Variants in NCEH1 observed in about 807,000 individuals in gnomAD.
NCEH1 encodes neutral cholesterol ester hydrolase 1.
In NCEH1, 9 loss-of-function variants were observed where a neutral mutation model predicts 25.4. The ratio of observed to expected loss-of-function variants is 0.35; its 90% CI spans 0.21 to 0.62. The LOEUF (loss-of-function observed/expected upper bound fraction) is 0.62. Ranked by LOEUF, NCEH1 falls within the 20% of genes least tolerant of loss-of-function variation. NCEH1 has a pLI of 0.72. For synonymous variants in NCEH1, 200 were observed against 199.8 expected (o/e 1.00, Z -0.01); for missense variants, 412 against 501.1 (o/e 0.82, Z 1.70).
intron 1 of NCEH1, among the ~76,000 whole-genome samples, chr3:172,691,205 C>A (rs1386923258): frequency 1.3e-5 from 2 of 152,162 alleles, no homozygotes; most frequent in Non-Finnish European, 2.9e-5. Flanking sequence ...CCCTCATGAC[C>A]AAACCCCAGT....
At chr3:172,689,494 G>A (rs1396674875) in intron 1 of NCEH1, among the ~76,000 whole-genome samples, 6 of 151,378 alleles carry the variant, frequency 4.0e-5, no homozygotes, top group Non-Finnish European at 8.8e-5. Flanking sequence ...TGATCTACCC[G>A]ACTCGGCCTC....
chr3:172,679,938 C>G (rs1162095226), intron 1 of NCEH1, among the ~76,000 whole-genome samples: 1 of 152,104 alleles, frequency 6.6e-6, no homozygotes, highest in African/African-American at 2.4e-5. Context: ...CTGGTCAAAC[C>G]AATCTCCTGG....
At chr3:172,672,380 A>G (rs1354120374) in intron 1 of NCEH1, among the ~76,000 whole-genome samples, 1 of 152,172 alleles carries the variant, frequency 6.6e-6, no homozygotes, top group African/African-American at 2.4e-5. Context: ...GCCCTTTTTA[A>G]TACGCGTTTT....
rs1317913714 is a variant in NCEH1 at position 172,632,053 on chromosome 3, GCAA to G, written c.*1419_*1421del. The G allele has an allele frequency of 6.6e-6, 1 of 152,578 alleles. No homozygotes were observed. Among genetic ancestry groups the G allele is most frequent in the Non-Finnish European group, 1.5e-5 (1 of 68,020 alleles). 9.5% of individuals were successfully genotyped at this position (152,578 alleles called of 1,614,324 possible). ...TGGAAGGAGGAGATGGGGGATCTAG[GCAA>G]CACCAGGTGCCAGTGTACGCCCTTC... On this transcript the variant is annotated 3_prime_UTR_variant, in exon 5 of 5. Transcript: ENST00000475381.
intron 1 of NCEH1, among the ~76,000 whole-genome samples, chr3:172,660,488 C>T (rs1328573551): frequency 6.6e-5 from 10 of 152,222 alleles, no homozygotes; most frequent in East Asian, 1.9e-4. Context: ...TGGGTATATA[C>T]GCAGTAATGG....
intron 1 of NCEH1, among the ~76,000 whole-genome samples, chr3:172,697,970 A>ATTTTTTTTTTT (rs386398562): frequency 2.0e-5 from 2 of 101,094 alleles, no homozygotes; most frequent in East Asian, 2.7e-4. Flanking sequence ...TAAAAGCAGA[A>ATTTTTTTTTTT]TTTTTTTTTT....
Position 172,645,604 on chromosome 3 carries a change from A to C in NCEH1, c.437+19T>G, listed in dbSNP as rs775426832. The C allele has an allele frequency of 2.3e-5, 35 of 1,522,452 alleles. No homozygotes were observed. The highest frequency in any genetic ancestry group is 2.8e-5 in the Non-Finnish European group (31 of 1,105,752). The allele number at this position is 1,522,452 out of a possible 1,614,324, so 94.3% of individuals were successfully genotyped here. ...TCCTTTATAAGAAAAATTTTCTATG[A>C]CTAGCATTAATTACTTACTCAATGG... is the stretch of plus-strand genomic sequence containing the variant. On this transcript the variant is annotated intron_variant, in intron 3 of 4. Coordinates refer to ENST00000475381, the MANE Select transcript of NCEH1 (RefSeq NM_020792.6).
intron 1 of NCEH1, among the ~76,000 whole-genome samples, chr3:172,697,970 ATTTTTTTTTT>A (rs386398562): frequency 2.0e-5 from 2 of 101,094 alleles, no homozygotes; most frequent in Non-Finnish European, 3.8e-5. Context: ...TAAAAGCAGA[ATTTTTTTTTT>A]TTTTTTTTTT....
Position 172,632,139 on chromosome 3 carries a change from G to A in NCEH1, c.*1336C>T, listed in dbSNP as rs1577046570. 1 of 152,474 alleles carries A rather than the reference G, an allele frequency of 6.6e-6. No individual in the cohort carries two copies. The highest frequency in any genetic ancestry group is 6.5e-5 in the Admixed American group (1 of 15,296). The allele number at this position is 152,474 out of a possible 1,614,324, so 9.4% of individuals were successfully genotyped here. ...TAAAAAGCGGAGATGAGCAGTGTGT[G>A]CCTTGCCTAAGCTACTGAACTATAA... On this transcript the variant is annotated 3_prime_UTR_variant, in exon 5 of 5. Transcript: ENST00000475381.
chr3:172,708,808 C>A (rs1433183490), intron 1 of NCEH1, among the ~76,000 whole-genome samples: 1 of 152,200 alleles, frequency 6.6e-6, no homozygotes, highest in Non-Finnish European at 1.5e-5. Flanking sequence ...AGAAGACTCA[C>A]TACAAGTACC....
rs368813753 is a variant in NCEH1, at chr3:172,645,685, C to A, written c.375G>T (p.Arg125Ser). The change falls in exon 3 of 5, where the codon AGG becomes AGT. Residue 125 changes from arginine to serine, a missense_variant. Physicochemically the swap from Arg to Ser is moderately radical, Grantham distance 110. This residue lies in a region of NCEH1 where 178 missense variants were observed against 189.2 expected (regional missense o/e 0.94). Coordinates refer to ENST00000475381, the MANE Select transcript of NCEH1 (RefSeq NM_020792.6). ...TTGCTGTACACAGCTCATCATAATA[C>A]CTGATTTCTAAAAGACACAAAGGGA... ...GGWALASAKI[R>S]YYDELCTAMA... 5 of 1,586,212 alleles carry A rather than the reference C, an allele frequency of 3.2e-6. No homozygotes were observed. In the Admixed American group the frequency reaches 7.1e-5, roughly 23 times the overall value.
At chr3:172,678,221 A>G (rs1712126489) in intron 1 of NCEH1, among the ~76,000 whole-genome samples, 1 of 152,172 alleles carries the variant, frequency 6.6e-6, no homozygotes, top group Non-Finnish European at 1.5e-5. Context: ...GCCTACATAA[A>G]CAGTGTCTGA....
intron 1 of NCEH1, 34 bp from the exon 2 acceptor site, chr3:172,648,148 C>T (rs757790892): frequency 9.3e-6 from 15 of 1,611,706 alleles, no homozygotes; most frequent in South Asian, 3.3e-5. Context: ...AGAGGGAGGG[C>T]GCACGTCAAC....
chr3:172,651,025 CTGT>C (rs1210039561), intron 1 of NCEH1, among the ~76,000 whole-genome samples: 2 of 151,966 alleles, frequency 1.3e-5, no homozygotes, highest in Admixed American at 6.6e-5. Context: ...GAACAGTAAC[CTGT>C]TGTTAATTAC....
At chr3:172,686,333 T>C (rs1048820474) in intron 1 of NCEH1, among the ~76,000 whole-genome samples, 2 of 152,232 alleles carry the variant, frequency 1.3e-5, no homozygotes, top group African/African-American at 4.8e-5. Flanking sequence ...GATCCAGTTC[T>C]TTCCGGTCTT....
chr3:172,654,510 C>T (rs1179737817), intron 1 of NCEH1, among the ~76,000 whole-genome samples: 1 of 152,184 alleles, frequency 6.6e-6, no homozygotes, highest in African/African-American at 2.4e-5. Context: ...CTATTATGCA[C>T]ATTTGTTATT....
rs148019775 is a variant in NCEH1, at chr3:172,691,288, C to A, written c.138+19559G>T. ...ATCCAACTCATCCCTCAGACCATCA[C>A]TCCTGCCTTTGTGCTCTCTAGTTTA... On this transcript the variant is annotated intron_variant, in intron 1 of 4. Transcript: ENST00000475381. Among the ~76,000 whole-genome samples the A allele has an allele frequency of 4.6e-5, 7 of 152,352 alleles. No homozygotes were observed. In the South Asian group the frequency reaches 1.2e-3, roughly 27 times the overall value.
chr3:172,659,806 T>G (rs537535894), intron 1 of NCEH1, among the ~76,000 whole-genome samples: 1 of 152,348 alleles, frequency 6.6e-6, no homozygotes, highest in East Asian at 1.9e-4. Flanking sequence ...TTGACCACTC[T>G]GGATCAAACA....
intron 4 of NCEH1, among the ~76,000 whole-genome samples, chr3:172,635,663 C>T (rs1716565799): frequency 6.6e-6 from 1 of 152,166 alleles, no homozygotes; most frequent in African/African-American, 2.4e-5. Flanking sequence ...CAAGGGATGT[C>T]AGCCCTTCTC....
Sources: allele counts gnomAD v4.1 joint callset (sites outside exome capture counted in the v4.1 genomes callset), GRCh38; gene constraint gnomAD v4.1.1; regional missense constraint gnomAD v4.1.1; transcripts MANE v1.5; gene names NCBI Gene and HGNC (gene_info 2026-07-23, HGNC 2026-07-21).